TBC1D8: variants seen among roughly 807,000 people sequenced by gnomAD.
TBC1D8 encodes BUB2-like protein 1.
TBC1D8 carries 65 observed loss-of-function variants against 118.8 expected under a neutral mutation model. The ratio of observed to expected loss-of-function variants is 0.55; its 90% confidence interval spans 0.45 to 0.67. The LOEUF (loss-of-function observed/expected upper bound fraction) is 0.67. Ranked by LOEUF, TBC1D8 falls within the 30% of genes least tolerant of loss-of-function variation. The pLI is 0.00. For synonymous variants in TBC1D8, 566 were observed against 595.8 expected (o/e 0.95, Z 0.73); for missense variants, 1,376 against 1,471.2 (o/e 0.94, Z 1.06).
At chr2:101,146,001 T>C (rs1472076382) in intron 1 of TBC1D8, among the ~76,000 whole-genome samples, 5 of 152,218 alleles carry the variant, frequency 3.3e-5, no homozygotes, top group Non-Finnish European at 7.3e-5. Context: ...ACTTTGCTTT[T>C]CTTCTGTCAA....
At chr2:101,127,842 T>C (rs1341528792) in intron 1 of TBC1D8, among the ~76,000 whole-genome samples, 1 of 152,180 alleles carries the variant, frequency 6.6e-6, no homozygotes, top group African/African-American at 2.4e-5. Flanking sequence ...GCTCTTCCCA[T>C]TGTTGCTGCT....
intron 2 of TBC1D8, among the ~76,000 whole-genome samples, chr2:101,059,796 G>A (rs935155986): frequency 3.5e-4 from 54 of 152,130 alleles, no homozygotes; most frequent in Non-Finnish European, 6.9e-4. Flanking sequence ...AAAATTAGCC[G>A]GGCGTGGTGG....
chr2:101,104,338 ATT>A (rs1211612413), intron 1 of TBC1D8, among the ~76,000 whole-genome samples: 1 of 152,236 alleles, frequency 6.6e-6, no homozygotes, highest in Non-Finnish European at 1.5e-5. Flanking sequence ...CCCACACACT[ATT>A]TTGTAAATAT....
chr2:101,131,508 C>A (rs186619024), intron 1 of TBC1D8, among the ~76,000 whole-genome samples: 1 of 149,942 alleles, frequency 6.7e-6, no homozygotes, highest in Admixed American at 6.7e-5. Context: ...AGCGAAACTC[C>A]GTTTCAAAAA....
intron 1 of TBC1D8, among the ~76,000 whole-genome samples, chr2:101,110,558 C>T (rs1677524625): frequency 6.6e-6 from 1 of 152,142 alleles, no homozygotes; most frequent in African/African-American, 2.4e-5. Flanking sequence ...ACAGTGATGG[C>T]TCCTTCACGG....
At chr2:101,065,749 AACAG>A (rs939053766) in intron 2 of TBC1D8, among the ~76,000 whole-genome samples, 1 of 152,184 alleles carries the variant, frequency 6.6e-6, no homozygotes, top group Admixed American at 6.5e-5. Flanking sequence ...AAAAGTGAAA[AACAG>A]ACAAACTTAA....
At chr2:101,090,392 C>A in intron 1 of TBC1D8, 28 bp from the exon 2 acceptor site, 1 of 1,612,700 alleles carries the variant, frequency 6.2e-7, no homozygotes, top group Non-Finnish European at 8.5e-7. Context: ...AGAAAGTGCA[C>A]CTGTGAGCAT....
At position 101,150,765 on chromosome 2, in the gene TBC1D8, TG is replaced by T. The variant is rs527583717; in HGVS notation, c.127+361del. On this transcript the variant is annotated intron_variant, in intron 1 of 19. Coordinates refer to ENST00000409318, the MANE Select transcript of TBC1D8 (RefSeq NM_001330348.2). ...TGGCTCGGCGCACCCCGCTGTCACC[TG>T]GCCCCACACAGCAGCCTCGCTGCTC... Among the ~76,000 whole-genome samples, 186 of 152,232 alleles carry T rather than the reference TG, an allele frequency of 1.2e-3. 1 individual carries two copies. Among genetic ancestry groups the T allele is most frequent in the African/African-American group, 4.2e-3 (175 of 41,564 alleles).
At chr2:101,035,898 G>C in intron 9 of TBC1D8, 120 bp downstream of exon 9, 1 of 1,183,742 alleles carries the variant, frequency 8.4e-7, no homozygotes, top group Non-Finnish European at 1.2e-6. Context: ...GAAATCACAG[G>C]AATGACTCAA....
chr2:101,016,512 G>T (rs1679647518), intron 17 of TBC1D8, among the ~76,000 whole-genome samples: 1 of 152,312 alleles, frequency 6.6e-6, no homozygotes, highest in African/African-American at 2.4e-5. Flanking sequence ...GGAAGTCAGT[G>T]TGGCGATTCC....
At chr2:101,040,124 T>C in intron 6 of TBC1D8, 54 bp downstream of exon 6, 2 of 1,579,960 alleles carry the variant, frequency 1.3e-6, no homozygotes, top group Non-Finnish European at 1.7e-6. Flanking sequence ...CCAGCAACCT[T>C]GTGTTCAAAC....
chr2:101,088,258 G>A (rs555798830), intron 2 of TBC1D8, among the ~76,000 whole-genome samples: 48 of 151,930 alleles, frequency 3.2e-4, no homozygotes, highest in African/African-American at 9.9e-4. Context: ...GTATTTTTCA[G>A]TTAGCTGATT....
At chr2:101,144,373 C>A (rs1365928763) in intron 1 of TBC1D8, among the ~76,000 whole-genome samples, 1 of 151,952 alleles carries the variant, frequency 6.6e-6, no homozygotes, top group Non-Finnish European at 1.5e-5. Context: ...CCCAAAGGTT[C>A]ACAAGAATTA....
chr2:101,086,312 C>A (rs1675621262), intron 2 of TBC1D8, among the ~76,000 whole-genome samples: 1 of 151,934 alleles, frequency 6.6e-6, no homozygotes, highest in African/African-American at 2.4e-5. Context: ...TAACAGCTAT[C>A]CAACATAAAG....
intron 5 of TBC1D8, among the ~76,000 whole-genome samples, chr2:101,041,742 C>T (rs1311733520): frequency 9.9e-5 from 15 of 151,886 alleles, no homozygotes; most frequent in African/African-American, 2.9e-4. Flanking sequence ...AAATTTAATG[C>T]GGCCAGGCAC....
rs11443594 is a variant in TBC1D8 at position 101,075,390 on chromosome 2, C to CAAAA, written c.283+14815_283+14818dup. Among the ~76,000 whole-genome samples the CAAAA allele has an allele frequency of 3.8e-5, 5 of 133,326 alleles. 1 individual carries two copies. Among genetic ancestry groups the CAAAA allele is most frequent in the South Asian group, 5.1e-4 (2 of 3,938 alleles). 87.5% of individuals were successfully genotyped at this position (133,326 alleles called of 152,430 possible). Reference sequence around the variant, plus strand: ...TAGGCGACAGAGTGAGACTCCATCTCAAAAAAAAAAAAAAAATGTCATAGA... The same window carrying CAAAA: ...TAGGCGACAGAGTGAGACTCCATCTCAAAAAAAAAAAAAAAAAAAATGTCATAGA... On this transcript the variant is annotated intron_variant, in intron 2 of 19. Coordinates refer to ENST00000409318, the MANE Select transcript of TBC1D8 (RefSeq NM_001330348.2).
At chr2:101,019,103 G>C (rs923765077) in intron 17 of TBC1D8, 3 of 1,570,512 alleles carry the variant, frequency 1.9e-6, no homozygotes, top group Non-Finnish European at 2.6e-6. Context: ...CTGAGCTGCA[G>C]CAGATGCCTT....
At chr2:101,120,036 T>C (rs532018279) in intron 1 of TBC1D8, among the ~76,000 whole-genome samples, 12 of 152,276 alleles carry the variant, frequency 7.9e-5, no homozygotes, top group Admixed American at 3.3e-4. Context: ...ATCTCCCTCA[T>C]GCCTTCACTC....
chr2:101,103,871 G>GAT (rs994370440), intron 1 of TBC1D8, among the ~76,000 whole-genome samples: 12 of 151,692 alleles, frequency 7.9e-5, no homozygotes, highest in South Asian at 2.1e-4. Flanking sequence ...GAAAATAAAA[G>GAT]ATATATATAT....
Sources: allele counts gnomAD v4.1 joint callset (sites outside exome capture counted in the v4.1 genomes callset), GRCh38; gene constraint gnomAD v4.1.1; transcripts MANE v1.5; gene names NCBI Gene and HGNC (gene_info 2026-07-23, HGNC 2026-07-21).